The following MAP3K7 variants were observed in gnomAD, a reference collection of about 807,000 sequenced individuals.
The protein encoded by MAP3K7 is mitogen-activated protein kinase kinase kinase 7, also known as TGF-beta activated kinase 1.
Under a neutral mutation model 84.8 loss-of-function variants are expected in MAP3K7, and 21 were observed. The observed-to-expected ratio is 0.25, with a 90% CI of 0.18 to 0.36. MAP3K7 has a LOEUF of 0.36. Ranked by LOEUF, MAP3K7 falls within the 10% of genes least tolerant of loss-of-function variation. MAP3K7 has a pLI of 1.00. For missense variants in MAP3K7, 503 were observed against 747.7 expected, an observed-to-expected ratio of 0.67 and a Z score of 3.82; for synonymous variants, 241 against 247.7, an observed-to-expected ratio of 0.97 and a Z score of 0.25.
chr6:90,543,694 C>T (rs1239574903), intron 12 of MAP3K7, among the ~76,000 whole-genome samples: 2 of 151,964 alleles, frequency 1.3e-5, no homozygotes, highest in South Asian at 2.1e-4. Context: ...CACTCATGAA[C>T]GTGTGTGGAA....
rs1216888405 is a variant in MAP3K7, at chr6:90,536,386, C to G, written c.1307G>C (p.Arg436Thr). ...AGTCAAGTCTTGGATGGATCTACGT[C>G]TTGGCTGTCCGTTGCCTTTAAAAAG... ...EIVISGNGQPRRRSIQDLTVT... is the reference protein window; with the variant it reads ...EIVISGNGQPTRRSIQDLTVT... The change falls in exon 13 of 17, where the codon AGA becomes ACA. Residue 436 changes from arginine to threonine, a missense_variant. Coordinates refer to ENST00000369329, the MANE Select transcript of MAP3K7 (RefSeq NM_145331.3). 1 of 1,612,038 alleles carries G rather than the reference C, an allele frequency of 6.2e-7. No homozygotes were observed. Among genetic ancestry groups the G allele is most frequent in the Admixed American group, 1.7e-5 (1 of 59,908 alleles).
chr6:90,523,846 C>A, intron 13 of MAP3K7, 63 bp from the exon 14 acceptor site: 1 of 983,168 alleles, frequency 1.0e-6, no homozygotes, highest in Non-Finnish European at 1.6e-6. Context: ...ATGACGAGAA[C>A]GTTTCCATTA....
At chr6:90,560,048 T>C (rs1167534249) in intron 5 of MAP3K7, 28 bp downstream of exon 5, 2 of 1,613,836 alleles carry the variant, frequency 1.2e-6, no homozygotes, top group African/African-American at 2.7e-5. Context: ...AGGAAGAGGC[T>C]GAGGGGTGTC....
At chr6:90,556,679 A>T (rs1486372403) in intron 5 of MAP3K7, 55 bp from the exon 6 acceptor site, 1 of 1,514,386 alleles carries the variant, frequency 6.6e-7, no homozygotes, top group East Asian at 2.3e-5. Flanking sequence ...ATTTTATTCT[A>T]CAATAAAAGA....
intron 13 of MAP3K7, among the ~76,000 whole-genome samples, chr6:90,528,396 C>T (rs1775392199): frequency 6.6e-6 from 1 of 150,958 alleles, no homozygotes. Flanking sequence ...TAGAATCCAT[C>T]GTATGTGAGT....
chr6:90,581,076 G>A (rs1211184742), intron 1 of MAP3K7, among the ~76,000 whole-genome samples: 3 of 151,974 alleles, frequency 2.0e-5, no homozygotes, highest in Non-Finnish European at 4.4e-5. Context: ...CAAAAATCAG[G>A]TTTTGTGTGT....
intron 14 of MAP3K7, among the ~76,000 whole-genome samples, chr6:90,520,374 GT>G (rs3842122): frequency 0.22 from 32,902 of 150,824 alleles, 4,108 homozygotes; most frequent in Non-Finnish European, 0.29. Context: ...TAATCCAGGT[GT>G]TTTTTTTTCT....
At chr6:90,571,874 C>T (rs925064245) in intron 1 of MAP3K7, 67 bp from the exon 2 acceptor site, 29 of 772,180 alleles carry the variant, frequency 3.8e-5, no homozygotes, top group Non-Finnish European at 5.8e-5. Flanking sequence ...AATAGATCAG[C>T]CCAATATAAA....
intron 8 of MAP3K7, 60 bp from the exon 9 acceptor site, chr6:90,550,609 T>A: frequency 1.9e-6 from 2 of 1,056,562 alleles, no homozygotes; most frequent in Non-Finnish European, 2.8e-6. Flanking sequence ...AAATCCTGAT[T>A]AATGTTTTAT....
intron 4 of MAP3K7, 143 bp from the exon 5 acceptor site, chr6:90,560,357 C>CTTTCTT: frequency 1.1e-6 from 1 of 889,604 alleles, no homozygotes; most frequent in South Asian, 1.9e-5. Flanking sequence ...TAATTTTTTA[C>CTTTCTT]TTTCTTTTTT....
intron 12 of MAP3K7, among the ~76,000 whole-genome samples, chr6:90,537,974 T>C (rs1775732838): frequency 6.6e-6 from 1 of 151,922 alleles, no homozygotes. Context: ...ACATCACCAT[T>C]GCAATAACAA....
intron 5 of MAP3K7, among the ~76,000 whole-genome samples, chr6:90,557,775 C>G (rs1258538233): frequency 6.6e-5 from 10 of 152,144 alleles, no homozygotes; most frequent in Admixed American, 5.9e-4. Context: ...CAGCCTTGAA[C>G]AGGAAATTCA....
intron 11 of MAP3K7, among the ~76,000 whole-genome samples, chr6:90,546,862 A>C (rs908734056): frequency 4.6e-5 from 7 of 152,198 alleles, no homozygotes; most frequent in Admixed American, 1.3e-4. Context: ...TTTTCTGTTA[A>C]ATTTGAAACA....
chr6:90,567,012 G>T (rs1318654191), intron 3 of MAP3K7, among the ~76,000 whole-genome samples: 1 of 152,198 alleles, frequency 6.6e-6, no homozygotes, highest in African/African-American at 2.4e-5. Context: ...CTAGCCTTAT[G>T]TAGAAAGCTG....
chr6:90,569,291 T>A (rs930718113), intron 2 of MAP3K7, among the ~76,000 whole-genome samples: 2 of 152,156 alleles, frequency 1.3e-5, no homozygotes, highest in African/African-American at 4.8e-5. Context: ...ATTTCTTGAA[T>A]TAATTCTCTC....
chr6:90,572,175 A>G (rs1776927792), intron 1 of MAP3K7, among the ~76,000 whole-genome samples: 1 of 152,124 alleles, frequency 6.6e-6, no homozygotes, highest in Non-Finnish European at 1.5e-5. Flanking sequence ...AAAAACAAAA[A>G]GCAGGAACAT....
Position 90,514,961 on chromosome 6 carries a change from C to G in MAP3K7, c.*1540G>C, listed in dbSNP as rs1384357779. The G allele has an allele frequency of 2.0e-5, 3 of 151,942 alleles. No individual in the cohort carries two copies. The highest frequency in any genetic ancestry group is 4.4e-5 in the Non-Finnish European group (3 of 67,918). 9.4% of individuals were successfully genotyped at this position (151,942 alleles called of 1,614,324 possible). A position where few individuals can be genotyped will look rare whatever the true frequency, so the allele number is the denominator to read the frequency against. On this transcript the variant is annotated 3_prime_UTR_variant, in exon 17 of 17. Transcript: ENST00000369329. ...AAGCTAAAAATAACAGTTTAGTATT[C>G]ACCTGTATTGCTTGTATACACAAGG...
intron 11 of MAP3K7, among the ~76,000 whole-genome samples, chr6:90,547,002 T>C (rs1032106295): frequency 6.6e-6 from 1 of 152,194 alleles, no homozygotes; most frequent in Non-Finnish European, 1.5e-5. Flanking sequence ...GCAGAAAGAA[T>C]TACATTTGAT....
intron 9 of MAP3K7, 140 bp downstream of exon 9, chr6:90,550,328 A>G: frequency 1.8e-6 from 1 of 556,102 alleles, no homozygotes; most frequent in Non-Finnish European, 3.1e-6. Context: ...GCACCTGTAA[A>G]CTCAAATTGC....
Sources: allele counts gnomAD v4.1 joint callset (sites outside exome capture counted in the v4.1 genomes callset), GRCh38; gene constraint gnomAD v4.1.1; transcripts MANE v1.5; gene names NCBI Gene and HGNC (gene_info 2026-07-23, HGNC 2026-07-21).